Variants in TRPM3 observed in about 807,000 individuals in gnomAD.
The protein encoded by TRPM3 is long transient receptor potential channel 3.
Under a neutral mutation model 181.2 loss-of-function variants are expected in TRPM3, and 77 were observed. The ratio of observed to expected loss-of-function variants is 0.42; its 90% CI spans 0.35 to 0.51. The LOEUF is 0.51. Ranked by LOEUF, TRPM3 falls within the 20% of genes least tolerant of loss-of-function variation. The pLI, the probability that TRPM3 is intolerant of heterozygous loss-of-function variation, is 0.01. For missense variants in TRPM3, 1,759 were observed against 2,196.7 expected (o/e 0.80, Z 3.98); for synonymous variants, 745 against 796.4 (o/e 0.94, Z 1.09).
chr9:71,292,809 G>A (rs1445878330), intron 1 of TRPM3, among the ~76,000 whole-genome samples: 1 of 151,768 alleles, frequency 6.6e-6, no homozygotes, highest in Non-Finnish European at 1.5e-5. Flanking sequence ...TCTAACTTTT[G>A]ATACTGACAC....
chr9:71,121,411 G>C lies in TRPM3; in HGVS notation c.-57C>G, dbSNP rs1232423344. The stretch of plus-strand genomic sequence containing the variant: ...TTAGGGCAGAGGCTTCCTGGAACTT[G>C]GAAGACTAGTCAAGTAGCCTTGCCT... On this transcript the variant is annotated 5_prime_UTR_variant, in exon 1 of 26. Coordinates refer to ENST00000677713, the MANE Select transcript of TRPM3 (RefSeq NM_001366145.2). 4.4e-6 allele frequency: 7 copies of C among 1,579,716 alleles called. No homozygotes were observed. Among genetic ancestry groups the C allele is most frequent in the Non-Finnish European group, 6.0e-6 (7 of 1,164,446 alleles).
chr9:71,420,821 A>AAGAAAGAG (rs1435329349), intron 1 of TRPM3, among the ~76,000 whole-genome samples: 4 of 1,550 alleles, frequency 2.6e-3, no homozygotes, highest in Non-Finnish European at 3.7e-3. Context: ...GAAAGAGAGA[A>AAGAAAGAG]AGAGAGGGAA....
At chr9:70,621,921 C>T (rs1045159216) in intron 14 of TRPM3, among the ~76,000 whole-genome samples, 5 of 152,266 alleles carry the variant, frequency 3.3e-5, no homozygotes, top group African/African-American at 9.6e-5. Context: ...CCTTCCATAA[C>T]CATCTTGTTT....
At chr9:70,681,342 A>G (rs972959199) in intron 9 of TRPM3, among the ~76,000 whole-genome samples, 164 bp downstream of exon 9, 1 of 152,212 alleles carries the variant, frequency 6.6e-6, no homozygotes, top group East Asian at 1.9e-4. Flanking sequence ...CTATTCTAGG[A>G]GAATTTAATA....
intron 22 of TRPM3, among the ~76,000 whole-genome samples, chr9:70,578,988 G>A (rs1373608593): frequency 6.6e-6 from 1 of 152,142 alleles, no homozygotes; most frequent in African/African-American, 2.4e-5. Context: ...GCTGGGTGGT[G>A]GTTAGGGGGT....
At chr9:71,237,311 C>T (rs2081416958) in intron 1 of TRPM3, among the ~76,000 whole-genome samples, 1 of 152,002 alleles carries the variant, frequency 6.6e-6, no homozygotes, top group Non-Finnish European at 1.5e-5. Flanking sequence ...ACTATGAACA[C>T]AGTTCTAAAG....
intron 1 of TRPM3, among the ~76,000 whole-genome samples, chr9:71,252,829 G>A (rs368033584): frequency 1.0e-4 from 14 of 140,150 alleles, no homozygotes; most frequent in African/African-American, 2.5e-4. Context: ...TGCACACCTC[G>A]CCTGGCTAAT....
intron 8 of TRPM3, among the ~76,000 whole-genome samples, chr9:70,694,413 C>A (rs1470542463): frequency 6.6e-6 from 1 of 152,168 alleles, no homozygotes. Flanking sequence ...GCCCTGTCTC[C>A]TACTTCATAC....
intron 1 of TRPM3, among the ~76,000 whole-genome samples, chr9:71,248,740 A>G (rs1473347919): frequency 6.6e-6 from 1 of 152,150 alleles, no homozygotes; most frequent in Admixed American, 6.5e-5. Context: ...GTGTGTTATA[A>G]TGTACGTCCA....
chr9:71,132,934 G>A (rs1477287124), intron 1 of TRPM3, among the ~76,000 whole-genome samples: 1 of 152,036 alleles, frequency 6.6e-6, no homozygotes, highest in Admixed American at 6.6e-5. Context: ...TATAAATAAT[G>A]CTATTATGGA....
chr9:70,840,522 T>C (rs2094570228), intron 5 of TRPM3, among the ~76,000 whole-genome samples: 2 of 152,042 alleles, frequency 1.3e-5, no homozygotes, highest in African/African-American at 4.8e-5. Context: ...ATCAAGACTA[T>C]GTTCAGTTGG....
intron 12 of TRPM3, among the ~76,000 whole-genome samples, chr9:70,633,278 A>G: frequency 6.6e-6 from 1 of 152,224 alleles, no homozygotes; most frequent in Non-Finnish European, 1.5e-5. Context: ...AAGAAGACAC[A>G]TCGAATGTGT....
chr9:71,102,427 C>A (rs2068573502), intron 1 of TRPM3, among the ~76,000 whole-genome samples: 1 of 152,192 alleles, frequency 6.6e-6, no homozygotes, highest in Non-Finnish European at 1.5e-5. Context: ...AACTACTGAG[C>A]ATTGCACATG....
At chr9:71,233,368 G>A (rs2081184376) in intron 1 of TRPM3, among the ~76,000 whole-genome samples, 2 of 152,138 alleles carry the variant, frequency 1.3e-5, no homozygotes, top group African/African-American at 4.8e-5. Context: ...TAAAGTTTCA[G>A]TAGCAAATAT....
At chr9:70,841,771 A>G (rs2094683734) in intron 5 of TRPM3, among the ~76,000 whole-genome samples, 1 of 150,292 alleles carries the variant, frequency 6.7e-6, no homozygotes, top group Admixed American at 6.7e-5. Context: ...GAGTGAAATC[A>G]TGTCTTTTGC....
intron 1 of TRPM3, among the ~76,000 whole-genome samples, chr9:71,096,588 A>ACACACACACACTCT (rs1554824618): frequency 5.3e-4 from 51 of 96,916 alleles, no homozygotes; most frequent in African/African-American, 2.2e-3. Context: ...ACACACACAC[A>ACACACACACACTCT]CACTCTCTCT....
chr9:70,902,471 C>A (rs2096400699), intron 1 of TRPM3, among the ~76,000 whole-genome samples: 1 of 152,148 alleles, frequency 6.6e-6, no homozygotes, highest in South Asian at 2.1e-4. Flanking sequence ...CTGGGGAGGA[C>A]AAAGGAGGGA....
At chr9:71,145,664 C>T (rs896564500) in intron 1 of TRPM3, among the ~76,000 whole-genome samples, 32 of 151,936 alleles carry the variant, frequency 2.1e-4, no homozygotes, top group African/African-American at 7.3e-4. Context: ...AAGTATACTA[C>T]TTACTGTTAG....
At position 70,536,301 on chromosome 9, in the gene TRPM3, G is replaced by T; in HGVS notation, c.4812C>A (p.His1604Gln). The T allele has an allele frequency of 6.2e-7, 1 of 1,614,208 alleles. No homozygotes were observed. Among genetic ancestry groups the T allele is most frequent in the Non-Finnish European group, 8.5e-7 (1 of 1,180,042 alleles). ...CATTCTCCTCACTGTCAGAGCTGGG[G>T]TGACTCAGTTCTGCTTCTCGCTCTG... ...CHPEREAELSHPSSDSEENEA... is the reference protein window; with the variant it reads ...CHPEREAELSQPSSDSEENEA... Residue 1604 changes from histidine to glutamine, a missense_variant, in exon 26 of 26, where the codon CAC (histidine) becomes CAA (glutamine). Physicochemically the swap from His to Gln is conservative, Grantham distance 24 (BLOSUM62 0). This residue lies in a region of TRPM3 where 612 missense variants were observed against 590.0 expected (regional missense o/e 1.04). Transcript: ENST00000677713.
Sources: allele counts gnomAD v4.1 joint callset (sites outside exome capture counted in the v4.1 genomes callset), GRCh38; gene constraint gnomAD v4.1.1; regional missense constraint gnomAD v4.1.1; transcripts MANE v1.5; gene names NCBI Gene and HGNC (gene_info 2026-07-23, HGNC 2026-07-21).